The following ENOX1 variants were observed in gnomAD, a reference collection of about 807,000 sequenced individuals.
ENOX1 encodes candidate growth-related and time keeping constitutive hydroquinone (NADH) oxidase.
In ENOX1, 42 loss-of-function variants were observed where a neutral mutation model predicts 82.5. The ratio of observed to expected loss-of-function variants is 0.51; its 90% CI spans 0.40 to 0.66. The LOEUF (loss-of-function observed/expected upper bound fraction) is 0.66. ENOX1 is among the 30% of genes least tolerant of loss of function. The pLI, the probability that ENOX1 is intolerant of heterozygous loss-of-function variation, is 0.00. For missense variants in ENOX1, 608 were observed against 811.6 expected, an observed-to-expected ratio of 0.75 and a Z score of 3.05; for synonymous variants, 271 against 282.2, an observed-to-expected ratio of 0.96 and a Z score of 0.40.
At chr13:43,494,760 T>C (rs998392337) in intron 2 of ENOX1, among the ~76,000 whole-genome samples, 6 of 152,188 alleles carry the variant, frequency 3.9e-5, no homozygotes, top group African/African-American at 1.4e-4. Context: ...AAAAGTGTTT[T>C]TGAAGATGAA....
chr13:43,496,123 T>C (rs1450167475), intron 2 of ENOX1, among the ~76,000 whole-genome samples: 1 of 152,152 alleles, frequency 6.6e-6, no homozygotes, highest in Non-Finnish European at 1.5e-5. Context: ...GTGGCTTGCC[T>C]ATTAAAAATG....
At chr13:43,416,682 C>T (rs1566168222) in intron 3 of ENOX1, among the ~76,000 whole-genome samples, 1 of 145,932 alleles carries the variant, frequency 6.9e-6, no homozygotes, top group Non-Finnish European at 1.5e-5. Context: ...TCCTCACTTC[C>T]CAGATGGGGT....
chr13:43,591,960 C>G (rs1485528639), intron 2 of ENOX1, among the ~76,000 whole-genome samples: 2 of 152,188 alleles, frequency 1.3e-5, no homozygotes, highest in African/African-American at 4.8e-5. Flanking sequence ...CTCACAGCAG[C>G]CCACACACGA....
chr13:43,214,007 C>T lies in ENOX1; in HGVS notation c.1915G>A (p.Gly639Arg). Residue 639 changes from glycine to arginine, a missense_variant, in exon 17 of 17, where the codon GGA (glycine) becomes AGA (arginine). By Grantham distance (125) the Gly-to-Arg change is moderately radical (BLOSUM62 -2). Transcript: ENST00000690772. Reference protein sequence around the residue: ...EKRWKLCAFEGIKTT With the variant: ...EKRWKLCAFERIKTT Reference sequence around the variant, plus strand: ...CTTCGCAGTTAGGTAGTTTTAATTCCTTCAAAGGCACACAGCTTCCATCTT... The same window carrying T: ...CTTCGCAGTTAGGTAGTTTTAATTCTTTCAAAGGCACACAGCTTCCATCTT... 1 of 1,613,806 alleles carries T rather than the reference C, an allele frequency of 6.2e-7. No homozygotes were observed. Among genetic ancestry groups the T allele is most frequent in the Non-Finnish European group, 8.5e-7 (1 of 1,179,840 alleles).
At chr13:43,785,762 C>A (rs544221270) in intron 1 of ENOX1, among the ~76,000 whole-genome samples, 7 of 152,176 alleles carry the variant, frequency 4.6e-5, no homozygotes, top group South Asian at 2.1e-4. Flanking sequence ...GAACCACCCC[C>A]CTTCCGAAAG....
chr13:43,391,022 C>G (rs1415686383), intron 5 of ENOX1, among the ~76,000 whole-genome samples: 1 of 152,168 alleles, frequency 6.6e-6, no homozygotes, highest in Non-Finnish European at 1.5e-5. Flanking sequence ...TCACCCGTTT[C>G]TTATGATATT....
Position 43,418,601 on chromosome 13 carries a change from T to C in ENOX1, c.-74-5613A>G, listed in dbSNP as rs535896369. 1.6e-3 allele frequency among the ~76,000 whole-genome samples: 246 copies of C among 152,362 alleles called. 1 individual carries two copies. The highest frequency in any genetic ancestry group is 5.9e-3 in the African/African-American group (244 of 41,592). ...GTATAAATATTTTCTCTCTAGGTTT[T>C]TTCTGCCTATGCAACTACAAAAACT... On this transcript the variant is annotated intron_variant, in intron 3 of 16. Transcript: ENST00000690772.
intron 12 of ENOX1, among the ~76,000 whole-genome samples, chr13:43,270,214 T>C (rs993092888): frequency 6.6e-6 from 1 of 152,150 alleles, no homozygotes; most frequent in Non-Finnish European, 1.5e-5. Context: ...CTGTAACTCA[T>C]GTGAAGGCTT....
chr13:43,603,133 T>G (rs1168539509), intron 2 of ENOX1, among the ~76,000 whole-genome samples: 4 of 152,038 alleles, frequency 2.6e-5, no homozygotes, highest in East Asian at 1.9e-4. Context: ...GTGTAAGACT[T>G]TGGAAATCAG....
chr13:43,561,877 C>T (rs562893709), intron 2 of ENOX1, among the ~76,000 whole-genome samples: 16 of 151,752 alleles, frequency 1.1e-4, no homozygotes, highest in African/African-American at 3.6e-4. Flanking sequence ...GTACTTGGGA[C>T]ACTGAGGTGA....
intron 1 of ENOX1, among the ~76,000 whole-genome samples, chr13:43,676,860 C>T (rs2085535139): frequency 6.6e-6 from 1 of 152,050 alleles, no homozygotes; most frequent in Non-Finnish European, 1.5e-5. Flanking sequence ...TATGTGTTGC[C>T]TTCTTATGAA....
chr13:43,288,806 G>GT (rs745920789), intron 12 of ENOX1, among the ~76,000 whole-genome samples: 21 of 151,214 alleles, frequency 1.4e-4, no homozygotes, highest in South Asian at 8.4e-4. Context: ...TCTATCTTTA[G>GT]TTTTTTTTTA....
intron 2 of ENOX1, among the ~76,000 whole-genome samples, chr13:43,524,844 T>C (rs777337150): frequency 3.9e-5 from 6 of 152,120 alleles, no homozygotes; most frequent in Non-Finnish European, 7.4e-5. Flanking sequence ...TGAAATTCAA[T>C]TATATATGCA....
chr13:43,277,709 A>AG (rs1161785412), intron 12 of ENOX1, among the ~76,000 whole-genome samples: 1 of 152,192 alleles, frequency 6.6e-6, no homozygotes, highest in Non-Finnish European at 1.5e-5. Context: ...GAGGGCATGG[A>AG]GGAACTCCAG....
At chr13:43,452,047 T>C (rs2056995336) in intron 3 of ENOX1, among the ~76,000 whole-genome samples, 1 of 152,230 alleles carries the variant, frequency 6.6e-6, no homozygotes, top group Non-Finnish European at 1.5e-5. Flanking sequence ...GGTAATCTTA[T>C]TCCACACTTA....
chr13:43,216,066 C>T (rs560523217), intron 16 of ENOX1, among the ~76,000 whole-genome samples: 7 of 152,196 alleles, frequency 4.6e-5, no homozygotes, highest in South Asian at 4.1e-4. Flanking sequence ...TGTGGTGGCG[C>T]GTGCCTGTAA....
intron 1 of ENOX1, among the ~76,000 whole-genome samples, chr13:43,720,880 C>T (rs954266623): frequency 1.3e-5 from 2 of 152,146 alleles, no homozygotes; most frequent in Non-Finnish European, 2.9e-5. Flanking sequence ...TAAAGAGGGA[C>T]ACTGACAACC....
intron 2 of ENOX1, among the ~76,000 whole-genome samples, chr13:43,599,088 C>T (rs2081592104): frequency 6.6e-6 from 1 of 152,022 alleles, no homozygotes; most frequent in African/African-American, 2.4e-5. Context: ...AGATAACAAT[C>T]AAAGTATTGA....
chr13:43,597,400 A>T (rs904801679), intron 2 of ENOX1, among the ~76,000 whole-genome samples: 1 of 152,158 alleles, frequency 6.6e-6, no homozygotes, highest in African/African-American at 2.4e-5. Flanking sequence ...CCAAAACATC[A>T]GGTCTGACTG....
Sources: gnomAD v4.1 joint callset for allele counts (sites outside exome capture counted in the v4.1 genomes callset) on GRCh38, gnomAD v4.1.1 for gene constraint, MANE v1.5 for transcripts, NCBI Gene and HGNC (gene_info 2026-07-23, HGNC 2026-07-21) for gene names.